The following RBFOX1 variants were observed in gnomAD, a reference collection of about 807,000 sequenced individuals.
RBFOX1 encodes the protein RNA binding protein fox-1 homolog 1.
Under a neutral mutation model 57.7 loss-of-function variants are expected in RBFOX1, and 8 were observed. That is an observed-to-expected ratio of 0.14 (90% confidence interval 0.08 to 0.25). The LOEUF is 0.25. RBFOX1 is among the 10% of genes least tolerant of loss of function. The probability of loss-of-function intolerance (pLI) is 1.00; values close to 1 mark genes in which losing one functional copy is unlikely to be tolerated. For missense variants in RBFOX1, 611 were observed against 548.5 expected (o/e 1.11, Z -1.14); for synonymous variants, 326 against 222.4 (o/e 1.47, Z -4.15).
intron 3 of RBFOX1, among the ~76,000 whole-genome samples, chr16:6,940,879 G>GTGTGTGTGTGTGTGTGTGTT (rs1555653223): frequency 2.2e-5 from 3 of 138,566 alleles, no homozygotes; most frequent in African/African-American, 5.6e-5. Context: ...GTGTGTGTGT[G>GTGTGTGTGTGTGTGTGTGTT]TGTGTGTGTG....
At chr16:7,401,598 G>A (rs1287968014) in intron 4 of RBFOX1, among the ~76,000 whole-genome samples, 1 of 152,182 alleles carries the variant, frequency 6.6e-6, no homozygotes, top group Non-Finnish European at 1.5e-5. Flanking sequence ...TATGCTCTGT[G>A]TGATTCTGGC....
intron 1 of RBFOX1, among the ~76,000 whole-genome samples, chr16:6,142,444 A>T (rs572397034): frequency 6.6e-6 from 1 of 151,900 alleles, no homozygotes; most frequent in African/African-American, 2.4e-5. Flanking sequence ...GATGGTCTCG[A>T]TCTCCTGACC....
At chr16:5,482,728 C>A (rs775724449) in intron 2 of RBFOX1, among the ~76,000 whole-genome samples, 11 of 152,148 alleles carry the variant, frequency 7.2e-5, no homozygotes, top group Non-Finnish European at 1.5e-4. Flanking sequence ...TGCTTCTAAA[C>A]GTGCTGCTGT....
chr16:6,569,557 G>A (rs1383690080), intron 2 of RBFOX1, among the ~76,000 whole-genome samples: 2 of 152,184 alleles, frequency 1.3e-5, no homozygotes, highest in African/African-American at 2.4e-5. Context: ...ACAACTTCTG[G>A]CAAGCTATGA....
chr16:6,672,583 A>G (rs1258253986), intron 3 of RBFOX1, among the ~76,000 whole-genome samples: 1 of 152,174 alleles, frequency 6.6e-6, no homozygotes, highest in Non-Finnish European at 1.5e-5. Flanking sequence ...AATTCTGTTT[A>G]TGTGACAGAA....
chr16:5,558,717 C>T (rs2045775117), intron 2 of RBFOX1, among the ~76,000 whole-genome samples: 1 of 152,074 alleles, frequency 6.6e-6, no homozygotes, highest in African/African-American at 2.4e-5. Flanking sequence ...ACTGTCAGCC[C>T]CCTCAGAGTG....
intron 4 of RBFOX1, among the ~76,000 whole-genome samples, chr16:7,361,926 G>A (rs1237076229): frequency 6.6e-6 from 1 of 150,950 alleles, no homozygotes; most frequent in Non-Finnish European, 1.5e-5. Flanking sequence ...GCATATGTGT[G>A]TTAGTGTGTA....
intron 3 of RBFOX1, among the ~76,000 whole-genome samples, chr16:5,764,174 G>A (rs1427696250): frequency 6.6e-6 from 1 of 152,104 alleles, no homozygotes; most frequent in African/African-American, 2.4e-5. Flanking sequence ...ATTGCATTTG[G>A]GCTACTACAA....
intron 3 of RBFOX1, among the ~76,000 whole-genome samples, chr16:6,791,762 A>G (rs2082999788): frequency 6.6e-6 from 1 of 152,206 alleles, no homozygotes; most frequent in South Asian, 2.1e-4. Flanking sequence ...GTCTGTCTCA[A>G]AAAAAGCATC....
Position 7,302,545 on chromosome 16 carries a change from C to T in RBFOX1, c.28-215602C>T, listed in dbSNP as rs1226299832. On this transcript the variant is annotated intron_variant, in intron 4 of 15. Transcript: ENST00000550418. ...TCAGGTACGGTTCCGTCCTGCAGGTCAGTGAGAAGCTGTCAGCAAGGTTTC... is the reference window on the plus strand; with the variant it reads ...TCAGGTACGGTTCCGTCCTGCAGGTTAGTGAGAAGCTGTCAGCAAGGTTTC... Among the ~76,000 whole-genome samples, 3 of 150,996 alleles carry T rather than the reference C, an allele frequency of 2.0e-5. No individual in the cohort carries two copies. In the East Asian group the frequency reaches 5.9e-4, roughly 29 times the overall value.
intron 2 of RBFOX1, among the ~76,000 whole-genome samples, chr16:5,485,934 C>T (rs1247453722): frequency 6.6e-6 from 1 of 152,160 alleles, no homozygotes; most frequent in African/African-American, 2.4e-5. Context: ...AGATGATAAT[C>T]GTTCCCACAT....
intron 3 of RBFOX1, among the ~76,000 whole-genome samples, chr16:5,848,685 G>T (rs2056815344): frequency 6.6e-6 from 1 of 152,190 alleles, no homozygotes. Flanking sequence ...AGGGTGTCAT[G>T]CCTGTAAACC....
intron 2 of RBFOX1, among the ~76,000 whole-genome samples, chr16:6,532,139 G>T (rs767825926): frequency 6.6e-6 from 1 of 152,094 alleles, no homozygotes; most frequent in Non-Finnish European, 1.5e-5. Context: ...CCCTTCTTGA[G>T]CTCACCCTGG....
intron 1 of RBFOX1, among the ~76,000 whole-genome samples, chr16:6,206,013 A>T (rs2097253142): frequency 6.6e-6 from 1 of 151,974 alleles, no homozygotes; most frequent in South Asian, 2.1e-4. Flanking sequence ...AGAGCAGAAC[A>T]TAGAGATAGC....
At chr16:6,901,510 G>A (rs371290858) in intron 3 of RBFOX1, among the ~76,000 whole-genome samples, 1 of 152,126 alleles carries the variant, frequency 6.6e-6, no homozygotes. Context: ...TGGAATGACA[G>A]CAAGTTCATG....
chr16:7,032,607 G>C (rs1457455322), intron 3 of RBFOX1, among the ~76,000 whole-genome samples: 1 of 133,092 alleles, frequency 7.5e-6, no homozygotes, highest in East Asian at 2.3e-4. Flanking sequence ...TTGTTTGTTT[G>C]TTTTGCTAGA....
At chr16:6,369,629 C>T (rs957331069) in intron 2 of RBFOX1, among the ~76,000 whole-genome samples, 1 of 152,156 alleles carries the variant, frequency 6.6e-6, no homozygotes, top group Non-Finnish European at 1.5e-5. Context: ...CCCCCACCAT[C>T]TTTCCTTTAT....
chr16:7,022,604 T>A (rs1358038460), intron 3 of RBFOX1, among the ~76,000 whole-genome samples: 1 of 152,114 alleles, frequency 6.6e-6, no homozygotes, highest in Non-Finnish European at 1.5e-5. Context: ...ATTGGGAAGC[T>A]GTTGTGAGCC....
intron 4 of RBFOX1, among the ~76,000 whole-genome samples, chr16:7,383,723 G>C (rs747707471): frequency 6.6e-6 from 1 of 152,114 alleles, no homozygotes; most frequent in Non-Finnish European, 1.5e-5. Flanking sequence ...TATTCAAAGG[G>C]TATTCAGATC....
Sources: allele counts gnomAD v4.1 joint callset (sites outside exome capture counted in the v4.1 genomes callset), GRCh38; gene constraint gnomAD v4.1.1; transcripts MANE v1.5; gene names NCBI Gene and HGNC (gene_info 2026-07-23, HGNC 2026-07-21).